Variants in SLC25A48 observed in about 807,000 individuals in gnomAD.
SLC25A48 encodes the protein solute carrier family 25 member 48.
SLC25A48 carries 29 observed loss-of-function variants against 32.2 expected under a neutral mutation model. The observed-to-expected ratio is 0.90, with a 90% CI of 0.67 to 1.23. SLC25A48 has a LOEUF of 1.23. SLC25A48 is among the 50% of genes most tolerant of loss of function. The probability of loss-of-function intolerance (pLI) is 0.00; values close to 1 mark genes in which losing one functional copy is unlikely to be tolerated. For synonymous variants in SLC25A48, 164 were observed against 172.3 expected (o/e 0.95, Z 0.38); for missense variants, 399 against 422.7 (o/e 0.94, Z 0.49).
At chr5:135,635,605 G>A (rs1216513642) in intron 3 of SLC25A48, among the ~76,000 whole-genome samples, 2 of 152,198 alleles carry the variant, frequency 1.3e-5, no homozygotes, top group Non-Finnish European at 2.9e-5. Flanking sequence ...TCAGTGGTAT[G>A]CTGGTAAATG....
chr5:135,594,456 T>G (rs144017129), intron 1 of SLC25A48, among the ~76,000 whole-genome samples: 6 of 152,304 alleles, frequency 3.9e-5, no homozygotes, highest in Non-Finnish European at 7.3e-5. Context: ...GCTGTCTCAC[T>G]CTCTAGCTGT....
At chr5:135,884,177 G>A (rs964633467) in intron 7 of SLC25A48, among the ~76,000 whole-genome samples, 31 of 152,072 alleles carry the variant, frequency 2.0e-4, no homozygotes, top group Non-Finnish European at 1.8e-4. Flanking sequence ...TCTCCACTAC[G>A]CTGTTCCCCA....
intron 3 of SLC25A48, among the ~76,000 whole-genome samples, chr5:135,753,985 A>G (rs999171299): frequency 6.6e-6 from 1 of 151,962 alleles, no homozygotes; most frequent in Non-Finnish European, 1.5e-5. Flanking sequence ...TATGCATGAT[A>G]TCACAGGGTG....
intron 2 of SLC25A48, among the ~76,000 whole-genome samples, chr5:135,848,361 G>T (rs1298722445): frequency 6.6e-6 from 1 of 152,128 alleles, no homozygotes; most frequent in Non-Finnish European, 1.5e-5. Flanking sequence ...GGGGCACAGA[G>T]AGAGACCTGC....
intron 5 of SLC25A48, 58 bp from the exon 6 acceptor site, chr5:135,873,963 C>G (rs1303909273): frequency 6.8e-7 from 1 of 1,469,774 alleles, no homozygotes; most frequent in Non-Finnish European, 8.9e-7. Flanking sequence ...TGCAAGGAAC[C>G]AGGCCCCTCC....
Position 135,871,501 on chromosome 5 carries a change from G to T in SLC25A48, c.462G>T (p.Glu154Asp). 1.9e-6 allele frequency: 3 copies of T among 1,608,230 alleles called. No homozygotes were observed. The highest frequency in any genetic ancestry group is 2.6e-6 in the Non-Finnish European group (3 of 1,175,536). Residue 154 changes from glutamate to aspartate, a missense_variant, in exon 5 of 8, where the codon GAG becomes GAT. Transcript: ENST00000681962. ...AGTCCAGGGCAGTGGCTCCTGCGGAGCAGCCAGCATACCAGGGGCCAGTGC... is the reference window on the plus strand; with the variant it reads ...AGTCCAGGGCAGTGGCTCCTGCGGATCAGCCAGCATACCAGGGGCCAGTGC... ...GLKSRAVAPA[E>D]QPAYQGPVHC...
At chr5:135,822,888 G>A (rs984628145) in intron 4 of SLC25A48, among the ~76,000 whole-genome samples, 10 of 152,052 alleles carry the variant, frequency 6.6e-5, no homozygotes. Flanking sequence ...CTGAGAGAGA[G>A]GACCACAGAG....
chr5:135,698,703 T>G (rs1316228420), intron 3 of SLC25A48, among the ~76,000 whole-genome samples: 1 of 152,138 alleles, frequency 6.6e-6, no homozygotes, highest in Non-Finnish European at 1.5e-5. Flanking sequence ...AATAAACTGG[T>G]CATCAACAGT....
At chr5:135,649,481 C>G (rs1753051840) in intron 3 of SLC25A48, 1 of 152,282 alleles carries the variant, frequency 6.6e-6, no homozygotes, top group African/African-American at 2.4e-5. Context: ...ACAGGTGAAC[C>G]ACAGTTGAAG....
intron 3 of SLC25A48, among the ~76,000 whole-genome samples, chr5:135,803,681 T>C (rs1158441926): frequency 1.3e-5 from 2 of 151,592 alleles, no homozygotes; most frequent in Non-Finnish European, 3.0e-5. Flanking sequence ...AGTGTTGTGA[T>C]ATTAAGTGTA....
At chr5:135,707,167 T>C (rs527453140) in intron 3 of SLC25A48, among the ~76,000 whole-genome samples, 1 of 152,238 alleles carries the variant, frequency 6.6e-6, no homozygotes, top group Non-Finnish European at 1.5e-5. Context: ...GGGTCCTTTA[T>C]TCACTTCTGT....
chr5:135,886,639 A>AAT (rs201543233), intron 7 of SLC25A48, among the ~76,000 whole-genome samples: 3 of 76,622 alleles, frequency 3.9e-5, no homozygotes, highest in Admixed American at 3.3e-4. Flanking sequence ...ATATATATAA[A>AAT]ATATATATAT....
chr5:135,597,896 C>T (rs929473612), intron 1 of SLC25A48, among the ~76,000 whole-genome samples: 7 of 151,964 alleles, frequency 4.6e-5, no homozygotes, highest in African/African-American at 1.2e-4. Context: ...CCCAGCTACT[C>T]GGGAGGCTGA....
chr5:135,674,565 T>C lies in SLC25A48; in HGVS notation c.-521+39609T>C, dbSNP rs980109321. ...TCTTTCTGTGCCTTTTTTTTCTGTG[T>C]CTTTTTTTCTTTCTGTGCCTTTTGT... On this transcript the variant is annotated intron_variant, in intron 3 of 10. Coordinates refer to the SLC25A48 transcript ENST00000646290. Among the ~76,000 whole-genome samples the C allele has an allele frequency of 3.3e-5, 5 of 151,938 alleles. No homozygotes were observed. In the East Asian group the frequency reaches 7.7e-4, roughly 23 times the overall value.
chr5:135,800,999 G>A (rs1241900608), intron 3 of SLC25A48, among the ~76,000 whole-genome samples: 2 of 151,410 alleles, frequency 1.3e-5, no homozygotes, highest in African/African-American at 2.4e-5. Context: ...TCCCAATATC[G>A]CAGGGTGTGT....
chr5:135,751,019 C>A (rs1755759266), intron 3 of SLC25A48, among the ~76,000 whole-genome samples: 1 of 152,186 alleles, frequency 6.6e-6, no homozygotes, highest in African/African-American at 2.4e-5. Flanking sequence ...ACCAGCGGCC[C>A]TGAGACACAT....
At chr5:135,603,514 G>A (rs1207590490) in intron 1 of SLC25A48, among the ~76,000 whole-genome samples, 4 of 152,190 alleles carry the variant, frequency 2.6e-5, no homozygotes, top group African/African-American at 9.6e-5. Flanking sequence ...CAGCAGGCCC[G>A]GCCCTGCCTC....
At chr5:135,638,688 A>C (rs374629147) in intron 3 of SLC25A48, among the ~76,000 whole-genome samples, 1 of 152,250 alleles carries the variant, frequency 6.6e-6, no homozygotes, top group Non-Finnish European at 1.5e-5. Context: ...TGTGTCTCAC[A>C]TGGCTATTGA....
chr5:135,615,998 T>C (rs1313178274), intron 1 of SLC25A48, among the ~76,000 whole-genome samples: 1 of 152,206 alleles, frequency 6.6e-6, no homozygotes, highest in African/African-American at 2.4e-5. Flanking sequence ...ACCATAAGCC[T>C]TGGAGGCTTC....
Sources: allele counts gnomAD v4.1 joint callset (sites outside exome capture counted in the v4.1 genomes callset), GRCh38; gene constraint gnomAD v4.1.1; transcripts MANE v1.5; gene names NCBI Gene and HGNC (gene_info 2026-07-23, HGNC 2026-07-21).